The following PDGFRL variants were observed in gnomAD, a reference collection of about 807,000 sequenced individuals.
The protein encoded by PDGFRL is platelet-derived growth factor receptor-like protein.
PDGFRL carries 46 observed loss-of-function variants against 37.2 expected under a neutral mutation model. The observed-to-expected ratio is 1.24, with a 90% CI of 0.98 to 1.58. The LOEUF (loss-of-function observed/expected upper bound fraction) is 1.58, where lower values mean the gene tolerates loss of function less well. PDGFRL is among the 40% of genes most tolerant of loss of function. The probability of loss-of-function intolerance (pLI) is 0.00; values close to 1 mark genes in which losing one functional copy is unlikely to be tolerated. For synonymous variants in PDGFRL, 251 were observed against 184.3 expected (o/e 1.36, Z -2.93); for missense variants, 692 against 467.6 (o/e 1.48, Z -4.43).
intron 1 of PDGFRL, among the ~76,000 whole-genome samples, chr8:17,586,034 C>G: frequency 6.6e-6 from 1 of 152,094 alleles, no homozygotes; most frequent in African/African-American, 2.4e-5. Flanking sequence ...TCACTGCAAC[C>G]TCCGTGTCCC....
Position 17,589,489 on chromosome 8 carries a change from A to G in PDGFRL, c.77A>G (p.Lys26Arg), listed in dbSNP as rs780431065. ...GCAGTTACTGGCCAACACCTTCCCA[A>G]GAACAAGCGTCCAAAAGAACCAGGA... ...LEDVTGQHLP[K>R]NKRPKEPGEN... The change falls in exon 2 of 6, where the codon AAG (lysine) becomes AGG (arginine). Residue 26 changes from lysine (K) to arginine (R), a missense_variant. Transcript: ENST00000251630. The G allele has an allele frequency of 1.9e-6, 3 of 1,613,548 alleles. No homozygotes were observed. In the South Asian group the frequency reaches 3.3e-5, roughly 18 times the overall value.
Position 17,615,566 on chromosome 8 carries a change from A to G in PDGFRL, c.354-5485A>G, listed in dbSNP as rs146830446. Among the ~76,000 whole-genome samples, 558 of 152,230 alleles carry G rather than the reference A, an allele frequency of 3.7e-3. 4 individuals are homozygous for G. Among genetic ancestry groups the G allele is most frequent in the African/African-American group, 0.013 (535 of 41,536 alleles). On this transcript the variant is annotated intron_variant, in intron 2 of 5. Coordinates refer to ENST00000251630, the MANE Select transcript of PDGFRL (RefSeq NM_001372073.1). ...CAAGCAGTAAAAGGGGAAAAATAGTACCTCCAACTTAATGTAGCTGTGAGA... is the reference window on the plus strand; with the variant it reads ...CAAGCAGTAAAAGGGGAAAAATAGTGCCTCCAACTTAATGTAGCTGTGAGA...
chr8:17,598,923 G>T (rs1804108867), intron 2 of PDGFRL, among the ~76,000 whole-genome samples: 1 of 152,118 alleles, frequency 6.6e-6, no homozygotes, highest in Non-Finnish European at 1.5e-5. Flanking sequence ...CTTCCACCAG[G>T]ATTGTGAGAC....
At chr8:17,610,391 C>T (rs939117868) in intron 2 of PDGFRL, among the ~76,000 whole-genome samples, 1 of 152,120 alleles carries the variant, frequency 6.6e-6, no homozygotes, top group African/African-American at 2.4e-5. Context: ...AGCAATATGA[C>T]ATTCAAAGGA....
intron 2 of PDGFRL, among the ~76,000 whole-genome samples, chr8:17,618,954 C>T (rs1315521169): frequency 6.6e-6 from 1 of 152,082 alleles, no homozygotes; most frequent in Non-Finnish European, 1.5e-5. Context: ...GATTTCCGTT[C>T]AGGGTAAGGG....
chr8:17,598,595 C>T (rs1585308312), intron 2 of PDGFRL, among the ~76,000 whole-genome samples: 1 of 152,290 alleles, frequency 6.6e-6, no homozygotes, highest in Middle Eastern at 3.4e-3. Context: ...GGAGGTAGGT[C>T]AGCTAGGCAA....
chr8:17,624,992 TA>T (rs1804704379), intron 3 of PDGFRL, among the ~76,000 whole-genome samples: 1 of 106,028 alleles, frequency 9.4e-6, no homozygotes. Context: ...TTTTTATTTT[TA>T]TTTATTATTA....
chr8:17,627,224 C>A (rs538603659), intron 3 of PDGFRL, among the ~76,000 whole-genome samples: 22 of 152,286 alleles, frequency 1.4e-4, no homozygotes, highest in African/African-American at 4.1e-4. Context: ...TTAAAACTTA[C>A]AATCATAAAA....
At chr8:17,620,034 C>G (rs1804600507) in intron 2 of PDGFRL, among the ~76,000 whole-genome samples, 1 of 152,192 alleles carries the variant, frequency 6.6e-6, no homozygotes, top group Admixed American at 6.5e-5. Context: ...GTGATCATGA[C>G]TCACTGGAAT....
chr8:17,602,307 C>T (rs1804182948), intron 2 of PDGFRL, among the ~76,000 whole-genome samples: 3 of 152,122 alleles, frequency 2.0e-5, no homozygotes, highest in Non-Finnish European at 4.4e-5. Flanking sequence ...TGTGGCTGGT[C>T]AGAGGGACAA....
At chr8:17,618,062 A>G (rs905295865) in intron 2 of PDGFRL, among the ~76,000 whole-genome samples, 3 of 149,732 alleles carry the variant, frequency 2.0e-5, no homozygotes, top group Non-Finnish European at 3.0e-5. Context: ...TTCCATTTTT[A>G]TTTTTTATTT....
chr8:17,640,964 C>T (rs10888137), intron 5 of PDGFRL, among the ~76,000 whole-genome samples: 88,936 of 151,180 alleles, frequency 0.59, 27,774 homozygotes, highest in Middle Eastern at 0.71. Context: ...GCTGTTGGGA[C>T]TGGCGGTGTG....
At chr8:17,576,681 G>A (rs1282483374), upstream of PDGFRL, 31 of 981,876 alleles carry the variant, frequency 3.2e-5, no homozygotes, top group Non-Finnish European at 3.7e-5. Flanking sequence ...ACCCCCACCA[G>A]CAGTTACAGG....
chr8:17,591,759 A>G lies in PDGFRL; in HGVS notation c.353+1994A>G, dbSNP rs139910428. On this transcript the variant is annotated intron_variant, in intron 2 of 5. Transcript: ENST00000251630. ...TTGTGAAACCCCATCTCTACTAACA[A>G]TATAAAAATTAGCTGGGCGTGGTGC... Among the ~76,000 whole-genome samples, 1,089 of 152,252 alleles carry G rather than the reference A, an allele frequency of 7.2e-3. 18 individuals are homozygous for G. Among genetic ancestry groups the G allele is most frequent in the African/African-American group, 0.024 (1,007 of 41,542 alleles).
rs552635197 is a variant in PDGFRL, at chr8:17,586,186, T to A, written c.56-3282T>A. On this transcript the variant is annotated intron_variant, in intron 1 of 5. Transcript: ENST00000251630. ...CCAGGCTGGTCTTGAACTCCTGGCC[T>A]CAAGTGATCCACCTTCCTTGGCCTC... 5.4e-4 allele frequency among the ~76,000 whole-genome samples: 83 copies of A among 152,302 alleles called. 1 individual carries two copies. The highest frequency in any genetic ancestry group is 1.8e-3 in the African/African-American group (74 of 41,544).
At chr8:17,616,468 CA>C (rs1245629106) in intron 2 of PDGFRL, among the ~76,000 whole-genome samples, 3 of 151,224 alleles carry the variant, frequency 2.0e-5, no homozygotes, top group Non-Finnish European at 4.4e-5. Flanking sequence ...GCTGGGATTA[CA>C]GGCATGAACC....
At chr8:17,638,773 ATAT>A (rs1563532504) in intron 5 of PDGFRL, among the ~76,000 whole-genome samples, 4 of 93,906 alleles carry the variant, frequency 4.3e-5, no homozygotes, top group Admixed American at 2.0e-4. Context: ...ATATATATAT[ATAT>A]ATATATATAT....
In PDGFRL at chr8:17,619,800, C is replaced by T. The variant is rs996857501; in HGVS notation, c.354-1251C>T. 2.6e-5 allele frequency among the ~76,000 whole-genome samples: 4 copies of T among 152,206 alleles called. No individual in the cohort carries two copies. In the South Asian group the frequency reaches 8.3e-4, roughly 32 times the overall value. On this transcript the variant is annotated intron_variant, in intron 2 of 5. Transcript: ENST00000251630. ...ACCAGGCCAAGGCTTTCTGGCTGAA[C>T]TTCTGAGGCTGCATAGCTATTGCAC...
intron 1 of PDGFRL, among the ~76,000 whole-genome samples, chr8:17,586,910 A>G (rs149572384): frequency 6.6e-6 from 1 of 152,308 alleles, no homozygotes; most frequent in East Asian, 1.9e-4. Flanking sequence ...TTTGCCACCT[A>G]TTTCTCTATA....
Sources: gnomAD v4.1 joint callset for allele counts (sites outside exome capture counted in the v4.1 genomes callset) on GRCh38, gnomAD v4.1.1 for gene constraint, MANE v1.5 for transcripts, NCBI Gene and HGNC (gene_info 2026-07-23, HGNC 2026-07-21) for gene names.